SPAG17: variants seen among roughly 807,000 people sequenced by gnomAD.
SPAG17 encodes the protein sperm associated antigen 17.
A neutral mutation model predicts 273.6 loss-of-function variants in SPAG17; 169 were observed. That is an observed-to-expected ratio of 0.62 (90% confidence interval 0.55 to 0.70). The LOEUF is 0.70. Ranked by LOEUF, SPAG17 falls within the 30% of genes least tolerant of loss-of-function variation. The pLI, the probability that SPAG17 is intolerant of heterozygous loss-of-function variation, is 0.00. For synonymous variants in SPAG17, 825 were observed against 873.2 expected (o/e 0.94, Z 0.97); for missense variants, 2,557 against 2,627.8 (o/e 0.97, Z 0.59).
chr1:118,022,821 G>T (rs1571264755), intron 28 of SPAG17, among the ~76,000 whole-genome samples: 1 of 152,162 alleles, frequency 6.6e-6, no homozygotes, highest in Admixed American at 6.6e-5. Context: ...GGGGTGACAG[G>T]TGGAGTTCTG....
intron 3 of SPAG17, among the ~76,000 whole-genome samples, chr1:118,135,427 G>T (rs1048049425): frequency 3.3e-4 from 49 of 149,604 alleles, no homozygotes; most frequent in African/African-American, 1.2e-3. Flanking sequence ...GTGTGTGTGT[G>T]TGTGGGGTAT....
chr1:117,966,871 A>G (rs1653917514), intron 46 of SPAG17, 118 bp from the exon 47 acceptor site: 1 of 820,064 alleles, frequency 1.2e-6, no homozygotes, highest in Admixed American at 3.5e-5. Context: ...TCATCTATAA[A>G]TTTGGCACTA....
At chr1:118,171,724 C>CT (rs1334836506) in intron 1 of SPAG17, among the ~76,000 whole-genome samples, 2 of 152,096 alleles carry the variant, frequency 1.3e-5, no homozygotes, top group East Asian at 3.9e-4. Flanking sequence ...TTCCTTTACT[C>CT]TAATAATATC....
chr1:118,064,352 A>T (rs1457115272), intron 18 of SPAG17, among the ~76,000 whole-genome samples: 2 of 151,720 alleles, frequency 1.3e-5, no homozygotes, highest in Non-Finnish European at 1.5e-5. Flanking sequence ...TCCAACAACG[A>T]TAGACTGGAT....
chr1:117,979,625 C>T (rs114730677), intron 43 of SPAG17, among the ~76,000 whole-genome samples: 200 of 152,286 alleles, frequency 1.3e-3, no homozygotes, highest in African/African-American at 4.7e-3. Flanking sequence ...TGCTCAAAAC[C>T]TTCCGCTGAC....
intron 13 of SPAG17, among the ~76,000 whole-genome samples, chr1:118,083,739 C>T (rs561413776): frequency 6.6e-6 from 1 of 152,130 alleles, no homozygotes; most frequent in Admixed American, 6.5e-5. Context: ...GAGCTGAGAT[C>T]ACACCACTGC....
At chr1:118,002,247 G>A (rs1052465383) in intron 32 of SPAG17, among the ~76,000 whole-genome samples, 12 of 152,154 alleles carry the variant, frequency 7.9e-5, no homozygotes, top group South Asian at 2.1e-4. Flanking sequence ...TTCCAATTAC[G>A]TGGTCAATTG....
intron 20 of SPAG17, among the ~76,000 whole-genome samples, chr1:118,051,307 T>C (rs971364784): frequency 6.6e-6 from 1 of 152,096 alleles, no homozygotes; most frequent in Non-Finnish European, 1.5e-5. Flanking sequence ...TATAAATTAC[T>C]ACAGCCACTA....
intron 3 of SPAG17, among the ~76,000 whole-genome samples, chr1:118,119,788 C>A (rs982871619): frequency 6.6e-6 from 1 of 152,080 alleles, no homozygotes; most frequent in Non-Finnish European, 1.5e-5. Flanking sequence ...AGAGTATAAT[C>A]GTTCTTTACC....
intron 13 of SPAG17, among the ~76,000 whole-genome samples, chr1:118,084,662 C>T (rs979039530): frequency 2.6e-5 from 4 of 152,174 alleles, no homozygotes; most frequent in Non-Finnish European, 2.9e-5. Context: ...AGTGGGCTCT[C>T]TATTCATCTG....
At chr1:118,163,581 A>G (rs551728700) in intron 1 of SPAG17, among the ~76,000 whole-genome samples, 2 of 149,616 alleles carry the variant, frequency 1.3e-5, no homozygotes, top group South Asian at 4.2e-4. Flanking sequence ...CCTCTTCTCT[A>G]ACTGTGTTCC....
intron 34 of SPAG17, among the ~76,000 whole-genome samples, chr1:117,996,096 G>C (rs775073704): frequency 3.3e-5 from 5 of 152,024 alleles, no homozygotes; most frequent in Admixed American, 6.6e-5. Context: ...CCTAAACACA[G>C]ATACAAATCT....
Position 118,028,358 on chromosome 1 carries a change from T to C in SPAG17, c.3646A>G (p.Thr1216Ala). 1 of 1,613,848 alleles carries C rather than the reference T, an allele frequency of 6.2e-7. No individual in the cohort carries two copies. The highest frequency in any genetic ancestry group is 8.5e-7 in the Non-Finnish European group (1 of 1,179,786). The change falls in exon 26 of 49, where the codon ACT becomes GCT. Residue 1216 changes from threonine to alanine, a missense_variant. Transcript: ENST00000336338. ...EVEPEPVLQE[T>A]LDVPTFQSLN... Reference sequence around the variant, plus strand: ...CTCTGGAAGGTGGGAACATCCAAAGTCTCTTGTAAAACAGGTTCTGGTTCT... The same window carrying C: ...CTCTGGAAGGTGGGAACATCCAAAGCCTCTTGTAAAACAGGTTCTGGTTCT...
intron 1 of SPAG17, among the ~76,000 whole-genome samples, chr1:118,179,963 G>A (rs1052221158): frequency 6.6e-6 from 1 of 152,002 alleles, no homozygotes; most frequent in Admixed American, 6.6e-5. Flanking sequence ...CAGGGATGTG[G>A]AGAAAGAGGA....
chr1:118,082,527 T>C (rs1012559426), intron 13 of SPAG17, among the ~76,000 whole-genome samples: 1 of 152,228 alleles, frequency 6.6e-6, no homozygotes, highest in Admixed American at 6.5e-5. Context: ...TGCTCATTTG[T>C]TCATTTCTCA....
intron 24 of SPAG17, chr1:118,036,537 C>T (rs983330459): frequency 1.8e-5 from 4 of 226,254 alleles, no homozygotes; most frequent in East Asian, 1.4e-4. Context: ...AATGTCAAAG[C>T]ATTTTTATTT....
intron 10 of SPAG17, among the ~76,000 whole-genome samples, 156 bp downstream of exon 10, chr1:118,091,450 A>G (rs764808771): frequency 1.3e-5 from 2 of 152,246 alleles, no homozygotes; most frequent in Admixed American, 6.5e-5. Flanking sequence ...TGAAGATTTA[A>G]GCAGACTTTA....
At chr1:117,977,891 T>G (rs1655313378) in intron 43 of SPAG17, among the ~76,000 whole-genome samples, 1 of 152,170 alleles carries the variant, frequency 6.6e-6, no homozygotes, top group South Asian at 2.1e-4. Flanking sequence ...GGTCTCCCAC[T>G]TTATCTTTCC....
At chr1:118,081,742 AAG>A in intron 13 of SPAG17, 100 bp from the exon 14 acceptor site, 1 of 968,500 alleles carries the variant, frequency 1.0e-6, no homozygotes, top group South Asian at 1.5e-5. Flanking sequence ...CCAGAAAGAC[AAG>A]AGAGTCACGC....
Sources: allele counts gnomAD v4.1 joint callset (sites outside exome capture counted in the v4.1 genomes callset), GRCh38; gene constraint gnomAD v4.1.1; transcripts MANE v1.5; gene names NCBI Gene and HGNC (gene_info 2026-07-23, HGNC 2026-07-21).